The following SNTG1 variants were observed in gnomAD, a reference collection of about 807,000 sequenced individuals.
SNTG1 encodes gamma-1-syntrophin.
Under a neutral mutation model 74.7 loss-of-function variants are expected in SNTG1, and 39 were observed. The observed-to-expected ratio is 0.52, with a 90% CI of 0.40 to 0.68. The LOEUF (loss-of-function observed/expected upper bound fraction) is 0.68, where lower values mean the gene tolerates loss of function less well. SNTG1 is among the 30% of genes least tolerant of loss of function. The probability of loss-of-function intolerance (pLI) is 0.00; values close to 1 mark genes in which losing one functional copy is unlikely to be tolerated. For missense variants in SNTG1, 685 were observed against 609.5 expected, an observed-to-expected ratio of 1.12 and a Z score of -1.30; for synonymous variants, 254 against 217.1, an observed-to-expected ratio of 1.17 and a Z score of -1.49.
chr8:50,484,120 C>CTTTCTTTCT (rs1563453224), intron 8 of SNTG1, among the ~76,000 whole-genome samples: 16 of 112,232 alleles, frequency 1.4e-4, no homozygotes, highest in South Asian at 7.9e-4. Context: ...TTCTTTCTTT[C>CTTTCTTTCT]TTTCTTTCTT....
chr8:50,188,567 C>G (rs993148977), intron 2 of SNTG1, among the ~76,000 whole-genome samples: 12 of 152,082 alleles, frequency 7.9e-5, no homozygotes, highest in African/African-American at 2.9e-4. Flanking sequence ...AGAGAAAAAG[C>G]AGTGTAGCAA....
chr8:50,588,867 TACAAAG>T (rs1459935880), intron 12 of SNTG1, among the ~76,000 whole-genome samples: 2 of 151,392 alleles, frequency 1.3e-5, no homozygotes, highest in African/African-American at 2.4e-5. Flanking sequence ...TTCGCCACAT[TACAAAG>T]ACAATCTACA....
At chr8:49,920,590 A>T (rs1261153772) in intron 1 of SNTG1, among the ~76,000 whole-genome samples, 2 of 152,080 alleles carry the variant, frequency 1.3e-5, no homozygotes, top group Admixed American at 1.3e-4. Context: ...AGAACAGCTG[A>T]ATTTCATTGA....
chr8:50,692,417 G>A (rs1585551270), intron 15 of SNTG1, among the ~76,000 whole-genome samples: 2 of 152,212 alleles, frequency 1.3e-5, no homozygotes, highest in South Asian at 4.2e-4. Context: ...GTGACATACA[G>A]ATGGGTTTTT....
At chr8:50,008,640 C>A (rs1203723842) in intron 1 of SNTG1, among the ~76,000 whole-genome samples, 1 of 151,954 alleles carries the variant, frequency 6.6e-6, no homozygotes, top group Non-Finnish European at 1.5e-5. Context: ...GGATAAGAAA[C>A]AAAGAAAAAT....
At chr8:50,691,735 G>C (rs1360995243) in intron 15 of SNTG1, among the ~76,000 whole-genome samples, 1 of 152,100 alleles carries the variant, frequency 6.6e-6, no homozygotes, top group Non-Finnish European at 1.5e-5. Context: ...TCTTGGAGTT[G>C]CTCTTCTTAA....
chr8:49,976,273 A>ACTTT (rs1812184500), intron 1 of SNTG1, among the ~76,000 whole-genome samples: 2 of 152,212 alleles, frequency 1.3e-5, no homozygotes, highest in Non-Finnish European at 2.9e-5. Flanking sequence ...TTTGTTTCAT[A>ACTTT]AAGTGATATT....
At chr8:50,368,124 ATGTT>A (rs1395791703) in intron 2 of SNTG1, among the ~76,000 whole-genome samples, 10 of 152,284 alleles carry the variant, frequency 6.6e-5, no homozygotes, top group African/African-American at 2.4e-4. Flanking sequence ...TCAAAATAGA[ATGTT>A]TGTGGAAATA....
chr8:50,312,746 A>G lies in SNTG1; in HGVS notation c.-27-81466A>G, dbSNP rs1362378590. 2.0e-5 allele frequency among the ~76,000 whole-genome samples: 3 copies of G among 150,062 alleles called. 1 individual carries two copies. Among genetic ancestry groups the G allele is most frequent in the African/African-American group, 7.5e-5 (3 of 40,228 alleles). ...AATTCCTAACATGCCTTCCAGGATT[A>G]TTGTGAAACAAAAACCAGGGAACAA... On this transcript the variant is annotated intron_variant, in intron 2 of 18. Coordinates refer to ENST00000642720, the MANE Select transcript of SNTG1 (RefSeq NM_018967.5).
intron 2 of SNTG1, among the ~76,000 whole-genome samples, chr8:50,358,478 G>A (rs1039719745): frequency 6.6e-6 from 1 of 152,128 alleles, no homozygotes; most frequent in African/African-American, 2.4e-5. Flanking sequence ...ACATAAAGTG[G>A]GATGGATGGC....
intron 2 of SNTG1, among the ~76,000 whole-genome samples, chr8:50,304,363 C>T (rs10105484): frequency 0.84 from 128,096 of 152,204 alleles, 55,451 homozygotes; most frequent in East Asian, 1. Context: ...CTGTTTGTAG[C>T]ATTCTGTTAT....
chr8:49,944,780 A>G (rs1050594753), intron 1 of SNTG1, among the ~76,000 whole-genome samples: 1 of 149,154 alleles, frequency 6.7e-6, no homozygotes, highest in Non-Finnish European at 1.5e-5. Context: ...AAATGAATTC[A>G]TCACCTGCAA....
intron 2 of SNTG1, among the ~76,000 whole-genome samples, chr8:50,386,932 C>A (rs1318234004): frequency 2.0e-5 from 3 of 152,134 alleles, no homozygotes; most frequent in East Asian, 1.9e-4. Context: ...GTTCTACAAA[C>A]CATTTCAATT....
chr8:50,474,480 T>G (rs1475703341), intron 8 of SNTG1, among the ~76,000 whole-genome samples: 4 of 151,872 alleles, frequency 2.6e-5, no homozygotes, highest in Admixed American at 2.6e-4. Flanking sequence ...GAAAAAATGC[T>G]CATCATCACT....
chr8:50,783,921 T>C (rs1199907668), intron 18 of SNTG1, among the ~76,000 whole-genome samples: 1 of 152,232 alleles, frequency 6.6e-6, no homozygotes, highest in Non-Finnish European at 1.5e-5. Context: ...TTTTGTTATT[T>C]AGTTATGATA....
chr8:50,142,386 G>A (rs1586453668), intron 1 of SNTG1, among the ~76,000 whole-genome samples: 4 of 151,830 alleles, frequency 2.6e-5, no homozygotes, highest in Non-Finnish European at 4.4e-5. Flanking sequence ...GAAGAGAGTA[G>A]GAGCTTGAAG....
chr8:50,357,847 G>A (rs1489154005), intron 2 of SNTG1, among the ~76,000 whole-genome samples: 1 of 152,146 alleles, frequency 6.6e-6, no homozygotes, highest in African/African-American at 2.4e-5. Flanking sequence ...GAAATCTAAT[G>A]TCACCTGTAA....
At chr8:50,469,984 TAAAC>T (rs1417404457) in intron 8 of SNTG1, among the ~76,000 whole-genome samples, 4 of 152,056 alleles carry the variant, frequency 2.6e-5, no homozygotes, top group Admixed American at 2.0e-4. Context: ...AATAAATAAA[TAAAC>T]AAACAGTTCT....
intron 1 of SNTG1, among the ~76,000 whole-genome samples, chr8:50,007,312 T>A (rs1402383219): frequency 1.3e-5 from 2 of 152,142 alleles, no homozygotes; most frequent in Non-Finnish European, 2.9e-5. Context: ...CTGGCCTGCT[T>A]TCTCTTTGAA....
Sources: allele counts gnomAD v4.1 joint callset (sites outside exome capture counted in the v4.1 genomes callset), GRCh38; gene constraint gnomAD v4.1.1; transcripts MANE v1.5; gene names NCBI Gene and HGNC (gene_info 2026-07-23, HGNC 2026-07-21).